Variants in LAMA1 observed in about 807,000 individuals in gnomAD.
The protein encoded by LAMA1 is laminin subunit alpha-1.
Under a neutral mutation model 348.7 loss-of-function variants are expected in LAMA1, and 219 were observed. The ratio of observed to expected loss-of-function variants is 0.63; its 90% confidence interval spans 0.56 to 0.70. The LOEUF (loss-of-function observed/expected upper bound fraction) is 0.70. Ranked by LOEUF, LAMA1 falls within the 30% of genes least tolerant of loss-of-function variation. LAMA1 has a pLI of 0.00. For synonymous variants in LAMA1, 1,487 were observed against 1,491.0 expected, an observed-to-expected ratio of 1.00 and a Z score of 0.06; for missense variants, 3,744 against 3,888.0, an observed-to-expected ratio of 0.96 and a Z score of 0.99.
rs1016655532 is a variant in LAMA1 at position 6,993,495 on chromosome 18, A to G, written c.5008+146T>C. 39 of 713,088 alleles carry G rather than the reference A, an allele frequency of 5.5e-5. 1 individual carries two copies. Among genetic ancestry groups the G allele is most frequent in the South Asian group, 4.5e-4 (30 of 66,548 alleles). The allele number at this position is 713,088 out of a possible 1,614,324, so 44.2% of individuals were successfully genotyped here. Reference sequence around the variant, plus strand: ...CTCAGTCAAAGACTAAAGTTTGCACATCTCAGGATCCCCAAACTATTCCAG... The same window carrying G: ...CTCAGTCAAAGACTAAAGTTTGCACGTCTCAGGATCCCCAAACTATTCCAG... On this transcript the variant is annotated intron_variant, in intron 35 of 62. Coordinates refer to ENST00000389658, the MANE Select transcript of LAMA1 (RefSeq NM_005559.4).
At chr18:7,026,331 G>A (rs1401902651) in intron 16 of LAMA1, among the ~76,000 whole-genome samples, 1 of 152,166 alleles carries the variant, frequency 6.6e-6, no homozygotes, top group Admixed American at 6.5e-5. Context: ...TGATGAGCAT[G>A]GACAAGGGCA....
In LAMA1 at chr18:6,985,295, C is replaced by A. The variant is rs779465611; in HGVS notation, c.5602G>T (p.Val1868Phe). Residue 1868 changes from valine to phenylalanine, a missense_variant, in exon 39 of 63, where the codon GTC becomes TTC. Transcript: ENST00000389658. ...HMSQRNAVDL[V>F]YRAEDHAAEF... ...GCGGCATGGTCCTCAGCTCTGTAGACCAGGTCGACTGCGTTCCTTTGGGAC... is the reference window on the plus strand; with the variant it reads ...GCGGCATGGTCCTCAGCTCTGTAGAACAGGTCGACTGCGTTCCTTTGGGAC... 4 of 1,614,182 alleles carry A rather than the reference C, an allele frequency of 2.5e-6. No homozygotes were observed. The South Asian group carries it at 4.4e-5, about 18-fold the overall frequency.
intron 16 of LAMA1, among the ~76,000 whole-genome samples, chr18:7,027,558 C>T (rs745914471): frequency 1.5e-4 from 21 of 142,698 alleles, no homozygotes; most frequent in African/African-American, 5.7e-4. Context: ...CAAAAAAAAG[C>T]GATCCACAAT....
intron 23 of LAMA1, among the ~76,000 whole-genome samples, chr18:7,013,344 A>T (rs2057869939): frequency 6.6e-6 from 1 of 152,124 alleles, no homozygotes; most frequent in African/African-American, 2.4e-5. Context: ...CTGACCTCCT[A>T]ATAGCAAAGC....
intron 22 of LAMA1, among the ~76,000 whole-genome samples, chr18:7,014,940 G>A (rs912824247): frequency 1.1e-4 from 16 of 151,942 alleles, no homozygotes; most frequent in South Asian, 4.2e-4. Context: ...TCCGCCTCCC[G>A]GGTTCACGTC....
At chr18:7,059,736 C>T (rs2058095464) in intron 3 of LAMA1, among the ~76,000 whole-genome samples, 1 of 152,140 alleles carries the variant, frequency 6.6e-6, no homozygotes, top group Admixed American at 6.5e-5. Flanking sequence ...TGAAAATTCT[C>T]CATAAAAGAA....
intron 16 of LAMA1, among the ~76,000 whole-genome samples, chr18:7,028,301 C>G (rs747936457): frequency 2.0e-5 from 3 of 152,156 alleles, no homozygotes; most frequent in Admixed American, 6.5e-5. Flanking sequence ...ATTCTAGAAG[C>G]TCAATAAACC....
chr18:7,067,558 G>A (rs2143758344), intron 3 of LAMA1, among the ~76,000 whole-genome samples: 1 of 152,078 alleles, frequency 6.6e-6, no homozygotes, highest in East Asian at 1.9e-4. Flanking sequence ...GGGGGTGGGG[G>A]AGCCTTTTGG....
chr18:7,034,738 AT>A, intron 13 of LAMA1, 48 bp from the exon 14 acceptor site: 1 of 1,539,040 alleles, frequency 6.5e-7, no homozygotes, highest in Non-Finnish European at 8.9e-7. Flanking sequence ...CAATTTAATG[AT>A]AAAATAAAAA....
chr18:7,057,350 T>C (rs1373894252), intron 3 of LAMA1, among the ~76,000 whole-genome samples: 1 of 152,026 alleles, frequency 6.6e-6, no homozygotes, highest in Non-Finnish European at 1.5e-5. Flanking sequence ...CTGCACTACT[T>C]CTATATATTG....
At chr18:6,985,140 A>G in intron 39 of LAMA1, 97 bp downstream of exon 39, 1 of 1,435,604 alleles carries the variant, frequency 7.0e-7, no homozygotes, top group Non-Finnish European at 9.8e-7. Context: ...TTTTTACACA[A>G]AGGAAGAGTG....
intron 3 of LAMA1, among the ~76,000 whole-genome samples, chr18:7,064,946 A>T (rs8089093): frequency 0.014 from 2,196 of 152,258 alleles, 46 homozygotes; most frequent in African/African-American, 0.05. Flanking sequence ...GTGATTAAGA[A>T]TAGCCAAGGC....
intron 11 of LAMA1, 133 bp from the exon 12 acceptor site, chr18:7,037,884 C>G: frequency 1.2e-6 from 1 of 854,116 alleles, no homozygotes; most frequent in Non-Finnish European, 1.9e-6. Flanking sequence ...AACATAACAC[C>G]TGTGGCTGCT....
At chr18:7,011,151 T>C in intron 25 of LAMA1, 149 bp downstream of exon 25, 1 of 844,818 alleles carries the variant, frequency 1.2e-6, no homozygotes, top group Admixed American at 2.6e-5. Flanking sequence ...GAGACTTTTA[T>C]GAGCATTAAA....
chr18:6,998,430 C>G (rs554754), intron 32 of LAMA1, among the ~76,000 whole-genome samples: 6,062 of 152,236 alleles, frequency 0.04, 129 homozygotes, highest in African/African-American at 0.055. Context: ...CATCTTTATG[C>G]TGCCTGGCTC....
chr18:7,067,857 ATTTT>A (rs546684275), intron 3 of LAMA1, among the ~76,000 whole-genome samples: 1 of 138,330 alleles, frequency 7.2e-6, no homozygotes, highest in Non-Finnish European at 1.6e-5. Flanking sequence ...TCCTTTTCGC[ATTTT>A]TTTTTTTTTG....
chr18:7,078,074 A>C lies in LAMA1; in HGVS notation c.345+1901T>G, dbSNP rs530228571. On this transcript the variant is annotated intron_variant, in intron 3 of 62. Transcript: ENST00000389658. The stretch of plus-strand genomic sequence containing the variant: ...AGTGAAACTCCGTCTCAAAAAAAAA[A>C]AAAAAACAAAAAACAAAACACAACA... 8.0e-4 allele frequency among the ~76,000 whole-genome samples: 120 copies of C among 150,790 alleles called. 1 individual carries two copies. Among genetic ancestry groups the C allele is most frequent in the Admixed American group, 2.4e-3 (37 of 15,168 alleles).
chr18:6,996,679 T>C (rs2057782707), intron 33 of LAMA1, among the ~76,000 whole-genome samples: 1 of 151,998 alleles, frequency 6.6e-6, no homozygotes, highest in Non-Finnish European at 1.5e-5. Context: ...CTTGGGAGGC[T>C]AAGGCAGGAG....
chr18:7,003,686 C>CAGCT (rs1199288163), intron 29 of LAMA1, among the ~76,000 whole-genome samples: 11 of 152,334 alleles, frequency 7.2e-5, no homozygotes, highest in African/African-American at 2.2e-4. Context: ...ATGTCTGATG[C>CAGCT]AGCTGAATAG....
Sources: gnomAD v4.1 joint callset for allele counts (sites outside exome capture counted in the v4.1 genomes callset) on GRCh38, gnomAD v4.1.1 for gene constraint, MANE v1.5 for transcripts, NCBI Gene and HGNC (gene_info 2026-07-23, HGNC 2026-07-21) for gene names.